UPF2: variants seen among roughly 807,000 people sequenced by gnomAD.
UPF2 encodes regulator of nonsense transcripts 2.
UPF2 carries 17 observed loss-of-function variants against 141.4 expected under a neutral mutation model. That is an observed-to-expected ratio of 0.12 (90% CI 0.08 to 0.18). The LOEUF (loss-of-function observed/expected upper bound fraction) is 0.18, where lower values mean the gene tolerates loss of function less well. Ranked by LOEUF, UPF2 falls within the 10% of genes least tolerant of loss-of-function variation. The probability of loss-of-function intolerance (pLI) is 1.00; values close to 1 mark genes in which losing one functional copy is unlikely to be tolerated. For missense variants in UPF2, 1,152 were observed against 1,515.9 expected (o/e 0.76, Z 3.99); for synonymous variants, 540 against 498.0 (o/e 1.08, Z -1.12).
chr10:11,982,116 A>C (rs1833607579), intron 8 of UPF2, among the ~76,000 whole-genome samples: 1 of 152,202 alleles, frequency 6.6e-6, no homozygotes, highest in East Asian at 1.9e-4. Flanking sequence ...TAAATTTACA[A>C]ATTTTAGTTA....
At chr10:11,938,853 G>GTTTTTGTTTTTTTTTTT (rs1832889893) in intron 18 of UPF2, among the ~76,000 whole-genome samples, 1 of 79,818 alleles carries the variant, frequency 1.3e-5, no homozygotes, top group Non-Finnish European at 2.3e-5. Context: ...TTTTTTTTTT[G>GTTTTTGTTTTTTTTTTT]TTTTTTTTTT....
At chr10:12,003,100 T>C (rs1401157298) in intron 5 of UPF2, among the ~76,000 whole-genome samples, 1 of 152,240 alleles carries the variant, frequency 6.6e-6, no homozygotes, top group African/African-American at 2.4e-5. Flanking sequence ...TTCATTCATC[T>C]TTTCATTCTA....
chr10:11,990,051 G>A (rs550586568), intron 8 of UPF2, among the ~76,000 whole-genome samples: 60 of 152,156 alleles, frequency 3.9e-4, no homozygotes, highest in Non-Finnish European at 8.4e-4. Flanking sequence ...TGATATTAAT[G>A]TAAGAAAACA....
In UPF2 at chr10:11,980,943, T is replaced by C. The variant is rs2131230274; in HGVS notation, c.1845-1778A>G. ...GCATGGTGGTCAATAATCCCAGCACTTTGGCAGGCTGAGACAGGTGGATCA... is the reference window on the plus strand; with the variant it reads ...GCATGGTGGTCAATAATCCCAGCACCTTGGCAGGCTGAGACAGGTGGATCA... On this transcript the variant is annotated intron_variant, in intron 8 of 21. Transcript: ENST00000357604. This position sits in a 1 kb window ranked among gnomAD's most constrained non-coding sequence, Gnocchi z 4.2. Among the ~76,000 whole-genome samples the C allele has an allele frequency of 6.6e-6, 1 of 152,162 alleles. No homozygotes were observed. The highest frequency in any genetic ancestry group is 6.5e-5 in the Admixed American group (1 of 15,278).
intron 6 of UPF2, 118 bp from the exon 7 acceptor site, chr10:12,000,127 A>G: frequency 2.6e-6 from 2 of 769,980 alleles, no homozygotes; most frequent in South Asian, 3.3e-5. Flanking sequence ...GCCCAGGAAA[A>G]CATTAGTCAT....
In UPF2 at chr10:12,042,661, G is replaced by A. The variant is rs76337739; in HGVS notation, c.-19+94C>T. On this transcript the variant is annotated intron_variant, in intron 1 of 21. Transcript: ENST00000357604. This position sits in a 1 kb window ranked among gnomAD's most constrained non-coding sequence, Gnocchi z 5.5. ...GCTGGAGTGTGGAGTCGCCTCTGGG[G>A]TCCCCCAGGGAGTAGGAGTCTAGGC... 0.029 allele frequency: 4,421 copies of A among 152,506 alleles called. 201 individuals are homozygous for A. Among genetic ancestry groups the A allele is most frequent in the African/African-American group, 0.097 (4,021 of 41,524 alleles). The allele number at this position is 152,506 out of a possible 1,614,324, so 9.4% of individuals were successfully genotyped here. A position where few individuals can be genotyped will look rare whatever the true frequency, so the allele number is the denominator to read the frequency against.
chr10:11,966,370 A>G lies in UPF2; in HGVS notation c.2067+971T>C, dbSNP rs534494723. 3.3e-5 allele frequency among the ~76,000 whole-genome samples: 5 copies of G among 152,336 alleles called. No individual in the cohort carries two copies. In the East Asian group the frequency reaches 9.6e-4, roughly 29 times the overall value. ...TTATTGGTTGCATACTGATTCAGAAAGGTAATCTTTTCCTGTTAAAATAAC... is the reference window on the plus strand; with the variant it reads ...TTATTGGTTGCATACTGATTCAGAAGGGTAATCTTTTCCTGTTAAAATAAC... On this transcript the variant is annotated intron_variant, in intron 10 of 21. Transcript: ENST00000357604.
intron 14 of UPF2, among the ~76,000 whole-genome samples, chr10:11,952,468 TC>T (rs1393713697): frequency 7.2e-6 from 1 of 139,592 alleles, no homozygotes; most frequent in Non-Finnish European, 1.5e-5. Flanking sequence ...TTACTAAATA[TC>T]TTTTTTTTTT....
At chr10:12,034,985 A>C (rs1216585960) in intron 2 of UPF2, 74 bp downstream of exon 2, 7 of 1,504,276 alleles carry the variant, frequency 4.7e-6, no homozygotes, top group Non-Finnish European at 6.1e-6. Flanking sequence ...GCTATATTTC[A>C]AATAATGTTT....
At position 11,931,171 on chromosome 10, in the gene UPF2, C is replaced by T. The variant is rs534473821; in HGVS notation, c.3688+470G>A. ...TGACCATGTTCCAGACAATGACAGA[C>T]ACCTATACAATGGTGGTCCCATCAG... On this transcript the variant is annotated intron_variant, in intron 20 of 21. Transcript: ENST00000357604. The surrounding 1 kb of genome is among the most constrained non-coding windows in gnomAD (Gnocchi z 5.9). 1.1e-4 allele frequency among the ~76,000 whole-genome samples: 16 copies of T among 152,286 alleles called. No homozygotes were observed. In the East Asian group the frequency reaches 3.1e-3, roughly 29 times the overall value.
chr10:12,012,639 A>T (rs1293992978), intron 4 of UPF2, among the ~76,000 whole-genome samples: 1 of 151,852 alleles, frequency 6.6e-6, no homozygotes, highest in Non-Finnish European at 1.5e-5. Context: ...CTCTACTAAA[A>T]ACACAAAAAC....
At position 11,952,143 on chromosome 10, in the gene UPF2, T is replaced by C; in HGVS notation, c.2957A>G (p.Lys986Arg). ...ISDTLELLRP[K>R]IKLCNSLEES... ...TTCCAGAGAATTACAGAGTTTGATC[T>C]TTGGTCTTAGCAGTTCTAGTGTATC... The change falls in exon 15 of 22, where the codon AAG becomes AGG. Residue 986 changes from lysine to arginine, a missense_variant. By Grantham distance (26) the Lys-to-Arg change is conservative. Transcript: ENST00000357604. The C allele has an allele frequency of 6.2e-7, 1 of 1,614,096 alleles. No homozygotes were observed. Among genetic ancestry groups the C allele is most frequent in the African/African-American group, 1.3e-5 (1 of 75,056 alleles).
chr10:11,987,884 A>G (rs988842286), intron 8 of UPF2, among the ~76,000 whole-genome samples: 1 of 151,932 alleles, frequency 6.6e-6, no homozygotes, highest in Admixed American at 6.6e-5. Flanking sequence ...ACACTGCTTC[A>G]GATCAAACCT....
intron 11 of UPF2, among the ~76,000 whole-genome samples, chr10:11,963,340 A>T (rs534911048): frequency 6.6e-6 from 1 of 151,998 alleles, no homozygotes; most frequent in South Asian, 2.1e-4. Context: ...TCATTCATTC[A>T]TTCATTCATT....
intron 18 of UPF2, among the ~76,000 whole-genome samples, chr10:11,938,872 T>TTTTTTTTTG (rs1832898920): frequency 1.9e-5 from 2 of 106,012 alleles, no homozygotes; most frequent in African/African-American, 6.5e-5. Context: ...TTTTTTTTTT[T>TTTTTTTTTG]TTTTTTTTTT....
intron 4 of UPF2, among the ~76,000 whole-genome samples, chr10:12,006,543 C>T (rs1834038740): frequency 6.6e-6 from 1 of 152,048 alleles, no homozygotes; most frequent in Non-Finnish European, 1.5e-5. Flanking sequence ...ACTTTCCTTA[C>T]AGAAAATATA....
chr10:11,993,538 C>CAAAAA (rs1564359108), intron 8 of UPF2, among the ~76,000 whole-genome samples: 13 of 151,388 alleles, frequency 8.6e-5, no homozygotes, highest in African/African-American at 2.9e-4. Context: ...AAAAAAAAAC[C>CAAAAA]AGACAGTATT....
intron 8 of UPF2, among the ~76,000 whole-genome samples, chr10:11,987,294 G>C (rs745447309): frequency 2.6e-5 from 4 of 152,188 alleles, no homozygotes; most frequent in African/African-American, 4.8e-5. Context: ...AACCTGCACA[G>C]CCTGCACATG....
chr10:12,020,250 A>T (rs1722441), intron 3 of UPF2, among the ~76,000 whole-genome samples: 17,810 of 147,402 alleles, frequency 0.12, 1,111 homozygotes, highest in South Asian at 0.14. Flanking sequence ...AATAAATTTT[A>T]TTTTTTTTTT....
Sources: gnomAD v4.1 joint callset for allele counts (sites outside exome capture counted in the v4.1 genomes callset) on GRCh38, gnomAD v4.1.1 for gene constraint, Gnocchi (gnomAD v3.1) non-coding constraint, MANE v1.5 for transcripts, NCBI Gene and HGNC (gene_info 2026-07-23, HGNC 2026-07-21) for gene names.